LARP4B: variants seen among roughly 807,000 people sequenced by gnomAD.
LARP4B encodes the protein la-related protein 4B.
In LARP4B, 12 loss-of-function variants were observed where a neutral mutation model predicts 89.8. That is an observed-to-expected ratio of 0.13 (90% CI 0.09 to 0.22). The LOEUF (loss-of-function observed/expected upper bound fraction) is 0.22. LARP4B is among the 10% of genes least tolerant of loss of function. LARP4B has a pLI of 1.00. For synonymous variants in LARP4B, 367 were observed against 363.3 expected (o/e 1.01, Z -0.12); for missense variants, 757 against 947.7 (o/e 0.80, Z 2.64).
At chr10:815,999 T>C (rs991002593) in intron 15 of LARP4B, among the ~76,000 whole-genome samples, 7 of 152,166 alleles carry the variant, frequency 4.6e-5, no homozygotes, top group Admixed American at 2.6e-4. Flanking sequence ...GAGGCTGAGG[T>C]GGACGAATCA....
intron 1 of LARP4B, among the ~76,000 whole-genome samples, chr10:901,655 G>A (rs2131989003): frequency 6.6e-6 from 1 of 152,180 alleles, no homozygotes; most frequent in South Asian, 2.1e-4. Context: ...CAAAGATACT[G>A]ACGGATAAAA....
At chr10:868,863 T>G (rs1017832188) in intron 3 of LARP4B, among the ~76,000 whole-genome samples, 1 of 152,220 alleles carries the variant, frequency 6.6e-6, no homozygotes, top group Non-Finnish European at 1.5e-5. Context: ...TCAATACTTT[T>G]CCTTGCTTCA....
intron 5 of LARP4B, among the ~76,000 whole-genome samples, chr10:853,707 T>C (rs1291724724): frequency 1.3e-5 from 2 of 152,180 alleles, no homozygotes. Flanking sequence ...AAAAAGAATC[T>C]ATTGTTGGAA....
intron 11 of LARP4B, among the ~76,000 whole-genome samples, chr10:827,255 G>A (rs1174270421): frequency 2.0e-5 from 3 of 149,868 alleles, no homozygotes; most frequent in East Asian, 1.9e-4. Context: ...CAGCCTGGGC[G>A]ACAGAGAGAG....
intron 1 of LARP4B, among the ~76,000 whole-genome samples, chr10:920,825 C>A (rs1029807088): frequency 2.6e-5 from 4 of 152,150 alleles, no homozygotes; most frequent in Non-Finnish European, 5.9e-5. Context: ...TAATTCCAGA[C>A]TGATAACGAT....
At chr10:820,679 T>G (rs1832306240) in intron 14 of LARP4B, 121 bp downstream of exon 14, 2 of 896,312 alleles carry the variant, frequency 2.2e-6, no homozygotes, top group Non-Finnish European at 3.4e-6. Flanking sequence ...GGATTTCACG[T>G]TACAAGTCTT....
At chr10:929,321 G>A (rs1434236459) in intron 1 of LARP4B, among the ~76,000 whole-genome samples, 4 of 152,180 alleles carry the variant, frequency 2.6e-5, no homozygotes, top group Admixed American at 6.5e-5. Context: ...TAAGCTGGGC[G>A]CAGTGGCTCA....
chr10:931,461 C>G lies in LARP4B; in HGVS notation c.-73G>C, dbSNP rs1449721370. 6.7e-6 allele frequency: 1 copy of G among 148,226 alleles called. No individual in the cohort carries two copies. Among genetic ancestry groups the G allele is most frequent in the Non-Finnish European group, 1.5e-5 (1 of 66,414 alleles). 9.2% of individuals were successfully genotyped at this position (148,226 alleles called of 1,614,324 possible). On this transcript the variant is annotated 5_prime_UTR_variant, in exon 1 of 18. Transcript: ENST00000316157. Reference sequence around the variant, plus strand: ...GCCGCCGCCCCGCCCGACCGGCCGCCCGCGGGCTCCTCGCCTCAACCCCGG... The same window carrying G: ...GCCGCCGCCCCGCCCGACCGGCCGCGCGCGGGCTCCTCGCCTCAACCCCGG...
rs142251265 is a variant in LARP4B at position 913,115 on chromosome 10, T to C, written c.-40+18313A>G. 1.1e-3 allele frequency among the ~76,000 whole-genome samples: 175 copies of C among 152,326 alleles called. 1 individual carries two copies. Among genetic ancestry groups the C allele is most frequent in the Admixed American group, 3.4e-3 (52 of 15,292 alleles). On this transcript the variant is annotated intron_variant, in intron 1 of 17. Transcript: ENST00000316157. ...TGTTTAGATCTAAGTTCTCTGCCTT[T>C]GGGATGTAAGTTTTCACCTGAGAGT...
intron 1 of LARP4B, among the ~76,000 whole-genome samples, chr10:893,672 T>A (rs561176353): frequency 6.6e-6 from 1 of 152,314 alleles, no homozygotes; most frequent in South Asian, 2.1e-4. Context: ...CTTTGTAGAA[T>A]GTTCCTCAAT....
At chr10:889,735 A>C (rs1006014328) in intron 1 of LARP4B, among the ~76,000 whole-genome samples, 1 of 152,140 alleles carries the variant, frequency 6.6e-6, no homozygotes, top group African/African-American at 2.4e-5. Flanking sequence ...GGATCACCTG[A>C]GGTCAGGAGT....
At chr10:972,849 AT>A in the LARP4B span, 1 of 456,958 alleles carries the variant, frequency 2.2e-6, no homozygotes, top group Non-Finnish European at 4.4e-6. Context: ...AGGTCTTGGC[AT>A]TACAGAGAAT....
chr10:877,967 C>T (rs901240954), intron 3 of LARP4B, among the ~76,000 whole-genome samples: 2 of 152,078 alleles, frequency 1.3e-5, no homozygotes, highest in African/African-American at 4.8e-5. Flanking sequence ...GAGACGGATG[C>T]GGATAGATGG....
chr10:957,842 G>C, the LARP4B span, among the ~76,000 whole-genome samples: 1 of 147,492 alleles, frequency 6.8e-6, no homozygotes, highest in Non-Finnish European at 1.5e-5. Flanking sequence ...TATTGCCCAG[G>C]CTGGAGTGCA....
At chr10:944,295 G>A in the LARP4B span, among the ~76,000 whole-genome samples, 2 of 152,176 alleles carry the variant, frequency 1.3e-5, no homozygotes. Flanking sequence ...AGGCCTGGCT[G>A]GTGAAACCTG....
chr10:987,197 C>T, the LARP4B span: 1 of 152,150 alleles, frequency 6.6e-6, no homozygotes, highest in African/African-American at 2.4e-5. Flanking sequence ...ATCCTAATTA[C>T]CCTAGAAGCT....
Position 841,476 on chromosome 10 carries a change from G to C in LARP4B, c.646+1456C>G, listed in dbSNP as rs1021135029. 2.0e-5 allele frequency among the ~76,000 whole-genome samples: 3 copies of C among 152,358 alleles called. No homozygotes were observed. In the East Asian group the frequency reaches 5.8e-4, roughly 29 times the overall value. On this transcript the variant is annotated intron_variant, in intron 7 of 17. Coordinates refer to ENST00000316157, the MANE Select transcript of LARP4B (RefSeq NM_015155.3). The stretch of plus-strand genomic sequence containing the variant: ...GATCGCCTATGGGCAGGTGGGCTCT[G>C]TTAAGCAAGCACACAGAGCAATTTA...
At position 861,733 on chromosome 10, in the gene LARP4B, C is replaced by G. The variant is rs538890201; in HGVS notation, c.430+2010G>C. Among the ~76,000 whole-genome samples, 6 of 152,238 alleles carry G rather than the reference C, an allele frequency of 3.9e-5. No individual in the cohort carries two copies. The South Asian group carries it at 1.2e-3, about 32-fold the overall frequency. On this transcript the variant is annotated intron_variant, in intron 5 of 17. Transcript: ENST00000316157. Reference sequence around the variant, plus strand: ...TTGATAACATTACCCATCTTCCATCCTCAAGACAGATCTTCACATCTGTCT... The same window carrying G: ...TTGATAACATTACCCATCTTCCATCGTCAAGACAGATCTTCACATCTGTCT...
At chr10:933,769 A>G (rs1003387132), upstream of LARP4B, among the ~76,000 whole-genome samples, 2 of 152,024 alleles carry the variant, frequency 1.3e-5, no homozygotes, top group African/African-American at 2.4e-5. Flanking sequence ...CTCTTGGTTC[A>G]TAACATTGCT....
Sources: allele counts gnomAD v4.1 joint callset (sites outside exome capture counted in the v4.1 genomes callset), GRCh38; gene constraint gnomAD v4.1.1; transcripts MANE v1.5; gene names NCBI Gene and HGNC (gene_info 2026-07-23, HGNC 2026-07-21).